The following MAML2 variants were observed in gnomAD, a reference collection of about 807,000 sequenced individuals.
MAML2 encodes mastermind like transcriptional coactivator 2, also known as mastermind-like protein 2.
MAML2 carries 22 observed loss-of-function variants against 96.1 expected under a neutral mutation model. The observed-to-expected ratio is 0.23, with a 90% CI of 0.16 to 0.33. The LOEUF (loss-of-function observed/expected upper bound fraction) is 0.33, where lower values mean the gene tolerates loss of function less well. Among genes scored for constraint, MAML2 ranks in the 10% least tolerant of loss-of-function variants. The probability of loss-of-function intolerance (pLI) is 1.00; values close to 1 mark genes in which losing one functional copy is unlikely to be tolerated. For missense variants in MAML2, 1,367 were observed against 1,392.4 expected, an observed-to-expected ratio of 0.98 and a Z score of 0.29; for synonymous variants, 561 against 521.3, an observed-to-expected ratio of 1.08 and a Z score of -1.04.
chr11:96,067,687 G>T (rs1219426846), intron 2 of MAML2, among the ~76,000 whole-genome samples: 2 of 151,928 alleles, frequency 1.3e-5, no homozygotes, highest in South Asian at 2.1e-4. Context: ...TCTACTGAGG[G>T]TCTATTGAGT....
intron 1 of MAML2, among the ~76,000 whole-genome samples, chr11:96,194,350 T>C (rs1334716308): frequency 6.6e-6 from 1 of 152,148 alleles, no homozygotes; most frequent in African/African-American, 2.4e-5. Flanking sequence ...ATGAATAAAG[T>C]AAAGGTGAGT....
chr11:96,234,441 A>G (rs1198190044), intron 1 of MAML2, among the ~76,000 whole-genome samples: 1 of 152,234 alleles, frequency 6.6e-6, no homozygotes, highest in Non-Finnish European at 1.5e-5. Flanking sequence ...AGATCACGCC[A>G]TTGCACTCCA....
chr11:96,076,282 T>TTTGGAGAGACACACCAACC (rs1859433709), intron 2 of MAML2, among the ~76,000 whole-genome samples: 2 of 152,132 alleles, frequency 1.3e-5, no homozygotes, highest in African/African-American at 2.4e-5. Context: ...AAACACCAGC[T>TTTGGAGAGACACACCAACC]TTGGAGAGAC....
intron 1 of MAML2, among the ~76,000 whole-genome samples, chr11:96,334,762 G>GT (rs1231828894): frequency 2.0e-5 from 3 of 152,194 alleles, no homozygotes; most frequent in Non-Finnish European, 4.4e-5. Flanking sequence ...CAATCTTGAC[G>GT]TAAGAGTTTA....
In MAML2 at chr11:95,985,793, A is replaced by G. The variant is rs149467280; in HGVS notation, c.2344-151T>C. ...TGACCTTATTTTGTAGTCTTAATTC[A>G]GAGACAAATCTTTTCAATTTCAATA... On this transcript the variant is annotated intron_variant, in intron 3 of 4. Transcript: ENST00000524717. Among the ~76,000 whole-genome samples the G allele has an allele frequency of 2.6e-5, 4 of 152,344 alleles. No individual in the cohort carries two copies. The East Asian group carries it at 7.7e-4, about 29-fold the overall frequency.
At chr11:96,166,187 A>T (rs1425890684) in intron 1 of MAML2, among the ~76,000 whole-genome samples, 14 of 149,338 alleles carry the variant, frequency 9.4e-5, no homozygotes, top group East Asian at 3.9e-4. Context: ...TCACACACAC[A>T]CACACACACA....
At chr11:96,294,955 T>A (rs1189146252) in intron 1 of MAML2, among the ~76,000 whole-genome samples, 1 of 152,214 alleles carries the variant, frequency 6.6e-6, no homozygotes, top group African/African-American at 2.4e-5. Context: ...GGTATTTGAA[T>A]ACAAATTAAT....
intron 2 of MAML2, among the ~76,000 whole-genome samples, chr11:96,069,250 C>T (rs949096964): frequency 5.9e-5 from 9 of 151,656 alleles, no homozygotes; most frequent in African/African-American, 2.2e-4. Context: ...TTCCCTCCCT[C>T]CCTCCCTTCC....
chr11:96,027,975 G>A (rs1858551331), intron 2 of MAML2, among the ~76,000 whole-genome samples: 2 of 152,028 alleles, frequency 1.3e-5, no homozygotes, highest in Admixed American at 1.3e-4. Context: ...CAAGTGATCT[G>A]CCTGCCTTGG....
chr11:96,197,320 C>A (rs148707563), intron 1 of MAML2, among the ~76,000 whole-genome samples: 1 of 152,286 alleles, frequency 6.6e-6, no homozygotes, highest in East Asian at 1.9e-4. Context: ...GAAAATAAAT[C>A]TGGGTCACTT....
intron 2 of MAML2, among the ~76,000 whole-genome samples, chr11:96,033,715 G>A (rs925017005): frequency 2.0e-5 from 3 of 152,174 alleles, no homozygotes; most frequent in African/African-American, 7.2e-5. Context: ...CCTGGGTCGC[G>A]TCTGGGAAAA....
chr11:96,153,802 T>C (rs933729248), intron 1 of MAML2, among the ~76,000 whole-genome samples: 8 of 151,974 alleles, frequency 5.3e-5, no homozygotes, highest in African/African-American at 1.9e-4. Flanking sequence ...TCCTAGCTAA[T>C]CAGGAGGCTG....
intron 1 of MAML2, among the ~76,000 whole-genome samples, chr11:96,204,067 C>A: frequency 6.6e-6 from 1 of 151,774 alleles, no homozygotes; most frequent in Admixed American, 6.6e-5. Context: ...CATCCCTAGG[C>A]CTGAAGGACT....
chr11:96,203,731 T>C (rs952365603), intron 1 of MAML2, among the ~76,000 whole-genome samples: 4 of 152,062 alleles, frequency 2.6e-5, no homozygotes, highest in Non-Finnish European at 4.4e-5. Context: ...AATGAATCTG[T>C]AACATACTTT....
At chr11:96,152,203 C>A (rs987186661) in intron 1 of MAML2, among the ~76,000 whole-genome samples, 6 of 152,186 alleles carry the variant, frequency 3.9e-5, no homozygotes, top group Non-Finnish European at 8.8e-5. Flanking sequence ...GGCTGGGCAA[C>A]AGAGTGAGAT....
intron 2 of MAML2, among the ~76,000 whole-genome samples, chr11:96,034,840 G>A (rs2135749837): frequency 6.6e-6 from 1 of 152,154 alleles, no homozygotes; most frequent in South Asian, 2.1e-4. Flanking sequence ...CAGAGTTATT[G>A]GTTTGATCAT....
At chr11:96,243,676 CG>C (rs1280734601) in intron 1 of MAML2, among the ~76,000 whole-genome samples, 1 of 131,598 alleles carries the variant, frequency 7.6e-6, no homozygotes, top group Non-Finnish European at 1.6e-5. Flanking sequence ...TTTTTTGAGA[CG>C]GAGTCTCGCT....
intron 1 of MAML2, among the ~76,000 whole-genome samples, chr11:96,139,463 C>T (rs1321788648): frequency 4.1e-5 from 6 of 146,796 alleles, no homozygotes; most frequent in East Asian, 2.0e-4. Context: ...GGCGACAGAG[C>T]GAGACTCTGT....
chr11:96,090,269 C>G (rs1167867904), intron 2 of MAML2, among the ~76,000 whole-genome samples: 1 of 152,154 alleles, frequency 6.6e-6, no homozygotes, highest in South Asian at 2.1e-4. Context: ...ACTCCAATGC[C>G]TCTCCTATAA....
Sources: gnomAD v4.1 joint callset for allele counts (sites outside exome capture counted in the v4.1 genomes callset) on GRCh38, gnomAD v4.1.1 for gene constraint, MANE v1.5 for transcripts, NCBI Gene and HGNC (gene_info 2026-07-23, HGNC 2026-07-21) for gene names.